Variants in DLG2 observed in about 807,000 individuals in gnomAD.
DLG2 encodes disks large homolog 2.
DLG2 carries 45 observed loss-of-function variants against 132.5 expected under a neutral mutation model. The observed-to-expected ratio is 0.34, with a 90% confidence interval of 0.27 to 0.44. DLG2 has a LOEUF of 0.44. Ranked by LOEUF, DLG2 falls within the 20% of genes least tolerant of loss-of-function variation. DLG2 has a pLI of 1.00. For missense variants in DLG2, 1,045 were observed against 1,196.9 expected, an observed-to-expected ratio of 0.87 and a Z score of 1.87; for synonymous variants, 424 against 419.6, an observed-to-expected ratio of 1.01 and a Z score of -0.13.
chr11:83,886,044 C>T (rs573599517), intron 15 of DLG2, among the ~76,000 whole-genome samples: 256 of 152,246 alleles, frequency 1.7e-3, no homozygotes, highest in Middle Eastern at 0.01. Flanking sequence ...CATCAACTAA[C>T]GACCAAAATA....
intron 19 of DLG2, among the ~76,000 whole-genome samples, chr11:83,570,337 G>A (rs1222556206): frequency 1.3e-5 from 2 of 152,202 alleles, no homozygotes; most frequent in Non-Finnish European, 2.9e-5. Flanking sequence ...TAGTTCCCAG[G>A]ATCCATGTGA....
intron 3 of DLG2, among the ~76,000 whole-genome samples, chr11:85,385,379 T>A (rs997458908): frequency 6.6e-6 from 1 of 152,206 alleles, no homozygotes; most frequent in Non-Finnish European, 1.5e-5. Context: ...GTTTTTTGTT[T>A]GTTTTGTTTT....
chr11:84,504,896 C>T (rs2099234266), intron 7 of DLG2, among the ~76,000 whole-genome samples: 1 of 152,102 alleles, frequency 6.6e-6, no homozygotes, highest in Admixed American at 6.6e-5. Context: ...CAAATATACC[C>T]TTCCCCCAAC....
intron 6 of DLG2, among the ~76,000 whole-genome samples, chr11:85,051,403 G>C (rs867287650): frequency 1.3e-5 from 2 of 151,952 alleles, no homozygotes. Flanking sequence ...CCCTCCCCAA[G>C]AAATGAAATA....
chr11:84,868,556 C>A (rs1281201894), intron 6 of DLG2, among the ~76,000 whole-genome samples: 1 of 152,082 alleles, frequency 6.6e-6, no homozygotes, highest in Non-Finnish European at 1.5e-5. Context: ...CAACTTTTCC[C>A]ACCTCTGTAA....
chr11:85,623,593 G>A (rs1032551226), intron 2 of DLG2, among the ~76,000 whole-genome samples: 8 of 152,090 alleles, frequency 5.3e-5, no homozygotes, highest in South Asian at 2.1e-4. Flanking sequence ...GTGAGCCACC[G>A]CGCCTGGCAA....
chr11:84,933,729 T>C (rs1010086954), intron 6 of DLG2, among the ~76,000 whole-genome samples: 2 of 152,244 alleles, frequency 1.3e-5, no homozygotes, highest in African/African-American at 4.8e-5. Context: ...GAGACTTTGC[T>C]GAAGTTGTTT....
intron 21 of DLG2, among the ~76,000 whole-genome samples, chr11:83,525,929 C>T (rs762534379): frequency 1.3e-5 from 2 of 152,092 alleles, no homozygotes; most frequent in Non-Finnish European, 2.9e-5. Context: ...TGATAAGTGA[C>T]ACAATAGTAG....
At chr11:84,510,171 G>A (rs2154513810) in intron 7 of DLG2, among the ~76,000 whole-genome samples, 1 of 151,232 alleles carries the variant, frequency 6.6e-6, no homozygotes, top group East Asian at 1.9e-4. Context: ...ATAAGGTAAA[G>A]TTGCCATTCT....
intron 6 of DLG2, among the ~76,000 whole-genome samples, chr11:85,037,853 T>A (rs1271132380): frequency 6.6e-6 from 1 of 152,150 alleles, no homozygotes; most frequent in Non-Finnish European, 1.5e-5. Flanking sequence ...CATCTCTGTA[T>A]GAATACATAA....
intron 6 of DLG2, among the ~76,000 whole-genome samples, chr11:84,994,109 G>T (rs975368131): frequency 6.6e-6 from 1 of 152,188 alleles, no homozygotes; most frequent in African/African-American, 2.4e-5. Context: ...AGTAAAATCT[G>T]ATGGTAAAAA....
chr11:84,261,601 A>G (rs997834557), intron 7 of DLG2, among the ~76,000 whole-genome samples: 9 of 152,158 alleles, frequency 5.9e-5, no homozygotes, highest in Non-Finnish European at 8.8e-5. Flanking sequence ...ATTTCTTTAT[A>G]TTTTTATACA....
chr11:84,653,797 G>T (rs1025126106), intron 6 of DLG2, among the ~76,000 whole-genome samples: 1 of 152,118 alleles, frequency 6.6e-6, no homozygotes, highest in Non-Finnish European at 1.5e-5. Context: ...CATTCTCTTG[G>T]CTCTTTCATG....
At chr11:84,144,318 T>C (rs892731440) in intron 9 of DLG2, among the ~76,000 whole-genome samples, 3 of 152,142 alleles carry the variant, frequency 2.0e-5, no homozygotes, top group Non-Finnish European at 2.9e-5. Context: ...GCTGGTTTCA[T>C]TCTAAAGATG....
chr11:83,705,770 G>A (rs1466724054), intron 18 of DLG2, among the ~76,000 whole-genome samples: 2 of 152,042 alleles, frequency 1.3e-5, no homozygotes, highest in Non-Finnish European at 2.9e-5. Flanking sequence ...CTCTAGCAAT[G>A]AATTCTCTTC....
chr11:84,726,232 G>A (rs530416388), intron 6 of DLG2, among the ~76,000 whole-genome samples: 11 of 152,082 alleles, frequency 7.2e-5, no homozygotes, highest in East Asian at 1.9e-4. Context: ...CGTCTCCTAC[G>A]TTAGGTATTT....
intron 6 of DLG2, among the ~76,000 whole-genome samples, chr11:84,539,641 A>G (rs2099363372): frequency 6.6e-6 from 1 of 152,198 alleles, no homozygotes; most frequent in East Asian, 1.9e-4. Flanking sequence ...GAATCTATAA[A>G]TTACCTTGGG....
At chr11:83,820,356 T>C (rs2050419278) in intron 17 of DLG2, among the ~76,000 whole-genome samples, 1 of 152,198 alleles carries the variant, frequency 6.6e-6, no homozygotes, top group African/African-American at 2.4e-5. Flanking sequence ...GTTGTTATTA[T>C]AATAATACCA....
intron 3 of DLG2, among the ~76,000 whole-genome samples, chr11:85,560,921 A>G (rs1208353687): frequency 6.6e-6 from 1 of 151,478 alleles, no homozygotes; most frequent in Non-Finnish European, 1.5e-5. Flanking sequence ...AATCCCAGCT[A>G]TTCAGGGAGT....
Sources: gnomAD v4.1 joint callset for allele counts (sites outside exome capture counted in the v4.1 genomes callset) on GRCh38, gnomAD v4.1.1 for gene constraint, MANE v1.5 for transcripts, NCBI Gene and HGNC (gene_info 2026-07-23, HGNC 2026-07-21) for gene names.